ITPR2: variants seen among roughly 807,000 people sequenced by gnomAD.
ITPR2 encodes the protein inositol 1,4,5-trisphosphate receptor type 2.
Under a neutral mutation model 317.1 loss-of-function variants are expected in ITPR2, and 207 were observed. That is an observed-to-expected ratio of 0.65 (90% CI 0.58 to 0.73). ITPR2 has a LOEUF of 0.73. Ranked by LOEUF, ITPR2 falls within the 30% of genes least tolerant of loss-of-function variation. ITPR2 has a pLI of 0.00. For synonymous variants in ITPR2, 1,156 were observed against 1,149.1 expected (o/e 1.01, Z -0.12); for missense variants, 2,613 against 3,284.0 (o/e 0.80, Z 4.99).
intron 21 of ITPR2, among the ~76,000 whole-genome samples, chr12:26,642,421 A>C (rs994857167): frequency 3.3e-5 from 5 of 152,068 alleles, no homozygotes; most frequent in African/African-American, 1.2e-4. Flanking sequence ...GTTTTTTGTG[A>C]AAGAATAAGT....
chr12:26,437,870 C>T (rs1052088253), intron 47 of ITPR2, among the ~76,000 whole-genome samples: 3 of 152,064 alleles, frequency 2.0e-5, no homozygotes, highest in Admixed American at 6.5e-5. Flanking sequence ...GTTGCAACCT[C>T]GGCTCACTGC....
chr12:26,410,901 A>C (rs1299349263), intron 52 of ITPR2, among the ~76,000 whole-genome samples: 1 of 152,154 alleles, frequency 6.6e-6, no homozygotes, highest in Admixed American at 6.5e-5. Context: ...AAGTCCAGGA[A>C]ATTTGCATAA....
intron 45 of ITPR2, among the ~76,000 whole-genome samples, chr12:26,473,135 C>T (rs1023449646): frequency 1.9e-4 from 29 of 152,204 alleles, no homozygotes; most frequent in African/African-American, 7.0e-4. Flanking sequence ...GATCCACCCA[C>T]CTCAGCCTCC....
At chr12:26,567,978 TTATATATA>T (rs1207413714) in intron 34 of ITPR2, among the ~76,000 whole-genome samples, 4 of 27,174 alleles carry the variant, frequency 1.5e-4, no homozygotes, top group Admixed American at 1.3e-3. Context: ...ATTATATATA[TTATATATA>T]TATATATATA....
At chr12:26,782,034 GTAT>G (rs1565760117) in intron 2 of ITPR2, among the ~76,000 whole-genome samples, 5,477 of 44,704 alleles carry the variant, frequency 0.12, 292 homozygotes, top group African/African-American at 0.14. Context: ...ATATATATAT[GTAT>G]AGAGAGAGAG....
chr12:26,524,433 A>C (rs1188684390), intron 37 of ITPR2, among the ~76,000 whole-genome samples: 1 of 151,974 alleles, frequency 6.6e-6, no homozygotes, highest in Non-Finnish European at 1.5e-5. Context: ...AAGTAATGCC[A>C]TTGGATTTAT....
chr12:26,430,603 G>A (rs949780379), intron 48 of ITPR2, among the ~76,000 whole-genome samples: 1 of 152,144 alleles, frequency 6.6e-6, no homozygotes, highest in South Asian at 2.1e-4. Flanking sequence ...ACCCATTAAT[G>A]GTGGGAAGGG....
At chr12:26,443,414 A>G (rs1364910038) in intron 46 of ITPR2, 129 bp downstream of exon 46, 9 of 577,634 alleles carry the variant, frequency 1.6e-5, no homozygotes, top group Non-Finnish European at 3.0e-6. Flanking sequence ...TCCTTTTACT[A>G]TACATTTTTC....
intron 37 of ITPR2, among the ~76,000 whole-genome samples, chr12:26,502,675 G>T (rs921782014): frequency 6.6e-6 from 1 of 152,178 alleles, no homozygotes; most frequent in African/African-American, 2.4e-5. Flanking sequence ...GTAAGGCAAA[G>T]TATGTAACTC....
At chr12:26,637,884 T>G (rs115651287) in intron 21 of ITPR2, among the ~76,000 whole-genome samples, 1 of 152,182 alleles carries the variant, frequency 6.6e-6, no homozygotes, top group Non-Finnish European at 1.5e-5. Context: ...AAGCAGATAA[T>G]ATGATACCTA....
chr12:26,787,016 CA>C (rs56123155), intron 2 of ITPR2, among the ~76,000 whole-genome samples: 7 of 147,276 alleles, frequency 4.8e-5, no homozygotes, highest in African/African-American at 7.6e-5. Context: ...CTTTTAAAGC[CA>C]AAAAAAAATG....
At chr12:26,780,926 C>T (rs976254747) in intron 2 of ITPR2, among the ~76,000 whole-genome samples, 8 of 152,218 alleles carry the variant, frequency 5.3e-5, no homozygotes, top group African/African-American at 1.9e-4. Flanking sequence ...TTGGGTTCCT[C>T]CTACCTTTAA....
intron 9 of ITPR2, among the ~76,000 whole-genome samples, chr12:26,700,562 G>C (rs1948426195): frequency 6.6e-6 from 1 of 152,184 alleles, no homozygotes; most frequent in African/African-American, 2.4e-5. Flanking sequence ...CAGGTCTGAG[G>C]GCTCCAGAGC....
chr12:26,437,078 C>T (rs142095092), intron 47 of ITPR2, among the ~76,000 whole-genome samples: 11 of 152,136 alleles, frequency 7.2e-5, no homozygotes, highest in Admixed American at 3.3e-4. Context: ...ATACAGTTTA[C>T]ATTAACCAAA....
chr12:26,651,893 T>C (rs1255168027), intron 21 of ITPR2, among the ~76,000 whole-genome samples: 1 of 152,174 alleles, frequency 6.6e-6, no homozygotes, highest in Non-Finnish European at 1.5e-5. Flanking sequence ...ATTCTAGATC[T>C]CCCCATCTTG....
intron 55 of ITPR2, among the ~76,000 whole-genome samples, chr12:26,351,615 A>T (rs939822173): frequency 5.3e-5 from 8 of 152,098 alleles, no homozygotes; most frequent in Non-Finnish European, 8.8e-5. Flanking sequence ...TGATTGTGCC[A>T]CTATACTCCA....
At chr12:26,392,330 T>C (rs1349549896) in intron 54 of ITPR2, among the ~76,000 whole-genome samples, 3 of 152,230 alleles carry the variant, frequency 2.0e-5, no homozygotes. Context: ...AGCACAGTTC[T>C]TGTAGTCATG....
intron 1 of ITPR2, among the ~76,000 whole-genome samples, chr12:26,799,936 T>G (rs35024516): frequency 0.16 from 24,500 of 152,214 alleles, 2,711 homozygotes; most frequent in Non-Finnish European, 0.24. Flanking sequence ...TCATTGGTGC[T>G]AGAAAAAGTG....
chr12:26,821,885 C>G (rs1448671292), intron 1 of ITPR2, among the ~76,000 whole-genome samples: 1 of 152,170 alleles, frequency 6.6e-6, no homozygotes, highest in African/African-American at 2.4e-5. Context: ...GAAATTTTTA[C>G]AAATAATACA....
Sources: allele counts gnomAD v4.1 joint callset (sites outside exome capture counted in the v4.1 genomes callset), GRCh38; gene constraint gnomAD v4.1.1; transcripts MANE v1.5; gene names NCBI Gene and HGNC (gene_info 2026-07-23, HGNC 2026-07-21).